Variants in UBE2E1 observed in about 807,000 individuals in gnomAD.
The protein encoded by UBE2E1 is ubiquitin conjugating enzyme E2 E1.
Under a neutral mutation model 21.4 loss-of-function variants are expected in UBE2E1, and 6 were observed. The observed-to-expected ratio is 0.28, with a 90% CI of 0.15 to 0.55. The LOEUF (loss-of-function observed/expected upper bound fraction) is 0.55. Among genes scored for constraint, UBE2E1 ranks in the 20% least tolerant of loss-of-function variants. UBE2E1 has a pLI of 0.93. For synonymous variants in UBE2E1, 87 were observed against 82.7 expected (o/e 1.05, Z -0.28); for missense variants, 142 against 236.5 (o/e 0.60, Z 2.62).
chr3:23,841,166 TAA>T (rs1700077135), intron 3 of UBE2E1, among the ~76,000 whole-genome samples: 1 of 152,212 alleles, frequency 6.6e-6, no homozygotes, highest in African/African-American at 2.4e-5. Context: ...TGAAAAGATA[TAA>T]AGAGTTATTG....
intron 3 of UBE2E1, among the ~76,000 whole-genome samples, chr3:23,858,204 G>T (rs1700480267): frequency 6.6e-6 from 1 of 152,176 alleles, no homozygotes; most frequent in Admixed American, 6.5e-5. Flanking sequence ...GCAGAGGGCA[G>T]ACATAGGGCT....
chr3:23,889,678 C>CAT, intron 5 of UBE2E1: 1 of 985,282 alleles, frequency 1.0e-6, no homozygotes, highest in Non-Finnish European at 1.2e-6. Flanking sequence ...AGATGGCACT[C>CAT]AATTTTGAAA....
chr3:23,855,229 C>T (rs1700409242), intron 3 of UBE2E1, among the ~76,000 whole-genome samples: 1 of 152,116 alleles, frequency 6.6e-6, no homozygotes, highest in Admixed American at 6.6e-5. Context: ...AAATACACAA[C>T]CTTCTCTAGG....
intron 3 of UBE2E1, among the ~76,000 whole-genome samples, chr3:23,875,834 G>A (rs772946846): frequency 2.6e-5 from 4 of 152,188 alleles, no homozygotes; most frequent in Non-Finnish European, 2.9e-5. Context: ...GTGCAGTGGC[G>A]TGATCTCATC....
Position 23,842,687 on chromosome 3 carries a change from A to T in UBE2E1, c.203+31177A>T, listed in dbSNP as rs1700121022. Among the ~76,000 whole-genome samples, 1 of 152,222 alleles carries T rather than the reference A, an allele frequency of 6.6e-6. No homozygotes were observed. Among genetic ancestry groups the T allele is most frequent in the Non-Finnish European group, 1.5e-5 (1 of 68,048 alleles). ...ACGTAAAATCTCATTATCACAAATT[A>T]CAAGTGCGCTATTCGGTTTTTAAAA... On this transcript the variant is annotated intron_variant, in intron 3 of 5. Transcript: ENST00000306627. The surrounding 1 kb of genome is among the most constrained non-coding windows in gnomAD (Gnocchi z 4.6).
intron 3 of UBE2E1, among the ~76,000 whole-genome samples, chr3:23,849,755 C>A (rs1700283284): frequency 6.6e-6 from 1 of 152,104 alleles, no homozygotes. Flanking sequence ...TCCAGTCTAT[C>A]ATTGATGGGA....
At position 23,851,128 on chromosome 3, in the gene UBE2E1, C is replaced by T. The variant is rs190939334; in HGVS notation, c.204-36439C>T. On this transcript the variant is annotated intron_variant, in intron 3 of 5. Coordinates refer to ENST00000306627, the MANE Select transcript of UBE2E1 (RefSeq NM_003341.5). The stretch of plus-strand genomic sequence containing the variant: ...TTTGTGGCTATTCTTTTGTTCCCAA[C>T]ACCATTTGATAAAAAAGACTATTCT... Among the ~76,000 whole-genome samples the T allele has an allele frequency of 2.0e-5, 3 of 152,234 alleles. No individual in the cohort carries two copies. In the East Asian group the frequency reaches 5.8e-4, roughly 29 times the overall value.
chr3:23,879,369 T>C, intron 3 of UBE2E1: 3 of 565,194 alleles, frequency 5.3e-6, no homozygotes, highest in South Asian at 2.9e-5. Flanking sequence ...ATTTACAAAT[T>C]CATGAGCTGC....
Position 23,836,037 on chromosome 3 carries a change from G to GA in UBE2E1, c.203+24533dup, listed in dbSNP as rs1195547734. Among the ~76,000 whole-genome samples, 18 of 152,178 alleles carry GA rather than the reference G, an allele frequency of 1.2e-4. No individual in the cohort carries two copies. Among genetic ancestry groups the GA allele is most frequent in the African/African-American group, 3.9e-4 (16 of 41,526 alleles). On this transcript the variant is annotated intron_variant, in intron 3 of 5. Coordinates refer to ENST00000306627, the MANE Select transcript of UBE2E1 (RefSeq NM_003341.5). The surrounding 1 kb of genome is among the most constrained non-coding windows in gnomAD (Gnocchi z 4.1). ...TGGCACAGATAAGATATATATTTCA[G>GA]AAAAAATGTTTTGAGCTTTTGCTGT... is the stretch of plus-strand genomic sequence containing the variant.
At chr3:23,812,922 G>A (rs543292511) in intron 3 of UBE2E1, among the ~76,000 whole-genome samples, 9 of 151,980 alleles carry the variant, frequency 5.9e-5, no homozygotes, top group African/African-American at 2.2e-4. Context: ...ACATATAATG[G>A]CTTTCTTGTG....
Position 23,810,792 on chromosome 3 carries a change from C to CGG in UBE2E1, c.153-664_153-663dup, listed in dbSNP as rs1699372579. 1 of 217,274 alleles carries CGG rather than the reference C, an allele frequency of 4.6e-6. No homozygotes were observed. Among genetic ancestry groups the CGG allele is most frequent in the Non-Finnish European group, 9.0e-6 (1 of 111,402 alleles). The allele number at this position is 217,274 out of a possible 1,614,324, so 13.5% of individuals were successfully genotyped here. A position where few individuals can be genotyped will look rare whatever the true frequency, so the allele number is the denominator to read the frequency against. ...ACTTCACCGGCGCGGCGCGAGCCGT[C>CGG]GGGGGCGCGCGCGGGGTGGGGGCGG... is the stretch of plus-strand genomic sequence containing the variant. On this transcript the variant is annotated intron_variant, in intron 2 of 5. Transcript: ENST00000306627. The surrounding 1 kb of genome is among the most constrained non-coding windows in gnomAD (Gnocchi z 5.8).
intron 3 of UBE2E1, among the ~76,000 whole-genome samples, chr3:23,833,645 T>C (rs1375000687): frequency 6.6e-6 from 1 of 152,222 alleles, no homozygotes; most frequent in African/African-American, 2.4e-5. Context: ...ACAGCAAATG[T>C]TGTTGTCTAT....
chr3:23,845,034 A>C (rs947387358), intron 3 of UBE2E1, among the ~76,000 whole-genome samples: 1 of 152,186 alleles, frequency 6.6e-6, no homozygotes, highest in Non-Finnish European at 1.5e-5. Flanking sequence ...CAAGGAGGTA[A>C]ATAAAACCGG....
chr3:23,864,253 C>CT (rs994982230), intron 3 of UBE2E1, among the ~76,000 whole-genome samples: 91 of 149,988 alleles, frequency 6.1e-4, no homozygotes, highest in Admixed American at 4.0e-4. Flanking sequence ...TTACACATTA[C>CT]TTTTTTTTTT....
chr3:23,829,341 A>G (rs1210114423), intron 3 of UBE2E1, among the ~76,000 whole-genome samples: 1 of 143,730 alleles, frequency 7.0e-6, no homozygotes, highest in Non-Finnish European at 1.5e-5. Flanking sequence ...TTTTTTTTTA[A>G]TAGAGACAGG....
intron 3 of UBE2E1, among the ~76,000 whole-genome samples, chr3:23,869,142 G>A (rs927923287): frequency 6.6e-6 from 1 of 152,112 alleles, no homozygotes; most frequent in African/African-American, 2.4e-5. Context: ...TTGCCATTCT[G>A]ATAGGTAAAA....
At chr3:23,883,328 C>CTAA (rs1701098519) in intron 3 of UBE2E1, among the ~76,000 whole-genome samples, 1 of 152,082 alleles carries the variant, frequency 6.6e-6, no homozygotes, top group African/African-American at 2.4e-5. Context: ...GTCATTTTAT[C>CTAA]GAGAAATAGG....
At chr3:23,867,611 T>A (rs1455895365) in intron 3 of UBE2E1, among the ~76,000 whole-genome samples, 5 of 152,148 alleles carry the variant, frequency 3.3e-5, no homozygotes, top group African/African-American at 1.2e-4. Flanking sequence ...GGCTCTCCGG[T>A]CCCCCTGTCT....
intron 5 of UBE2E1, among the ~76,000 whole-genome samples, chr3:23,890,083 G>A (rs1052180450): frequency 2.0e-5 from 3 of 152,136 alleles, no homozygotes; most frequent in African/African-American, 7.2e-5. Context: ...GTGTTGCACT[G>A]CAACAGCCCC....
Sources: gnomAD v4.1 joint callset for allele counts (sites outside exome capture counted in the v4.1 genomes callset) on GRCh38, gnomAD v4.1.1 for gene constraint, Gnocchi (gnomAD v3.1) non-coding constraint, MANE v1.5 for transcripts, NCBI Gene and HGNC (gene_info 2026-07-23, HGNC 2026-07-21) for gene names.